Variants in CADM2 observed in about 807,000 individuals in gnomAD.
The protein encoded by CADM2 is immunoglobulin superfamily member 4D.
Under a neutral mutation model 49.8 loss-of-function variants are expected in CADM2, and 12 were observed. The ratio of observed to expected loss-of-function variants is 0.24; its 90% confidence interval spans 0.15 to 0.39. CADM2 has a LOEUF of 0.39. Ranked by LOEUF, CADM2 falls within the 10% of genes least tolerant of loss-of-function variation. The pLI is 1.00. For missense variants in CADM2, 378 were observed against 492.3 expected, an observed-to-expected ratio of 0.77 and a Z score of 2.20; for synonymous variants, 214 against 175.4, an observed-to-expected ratio of 1.22 and a Z score of -1.74.
intron 3 of CADM2, among the ~76,000 whole-genome samples, chr3:85,874,691 A>T (rs1314655931): frequency 6.6e-6 from 1 of 152,110 alleles, no homozygotes; most frequent in African/African-American, 2.4e-5. Context: ...TGTGAACGCT[A>T]TCAAATACCA....
rs79540944 is a variant in CADM2, at chr3:85,551,703, A to G, written c.62-174819A>G. ...TTCAGCTTTTTAAATAGCAGTACTAACACAACACAAGGCAATCCTTTTTCG... is the reference window on the plus strand; with the variant it reads ...TTCAGCTTTTTAAATAGCAGTACTAGCACAACACAAGGCAATCCTTTTTCG... On this transcript the variant is annotated intron_variant, in intron 1 of 9. Transcript: ENST00000383699. Among the ~76,000 whole-genome samples the G allele has an allele frequency of 4.6e-3, 701 of 152,298 alleles. 8 individuals are homozygous for G. Among genetic ancestry groups the G allele is most frequent in the African/African-American group, 0.016 (677 of 41,570 alleles).
intron 1 of CADM2, among the ~76,000 whole-genome samples, chr3:85,676,275 A>G (rs1485414905): frequency 1.3e-5 from 2 of 152,178 alleles, no homozygotes; most frequent in Non-Finnish European, 2.9e-5. Flanking sequence ...CGAGGCCTTA[A>G]TGATCTTTTT....
chr3:85,771,080 T>G (rs2107951747), intron 2 of CADM2, among the ~76,000 whole-genome samples: 1 of 152,262 alleles, frequency 6.6e-6, no homozygotes, highest in African/African-American at 2.4e-5. Context: ...GTCCTCTTAT[T>G]TTTAAGAATT....
At chr3:85,500,516 G>A (rs565786031) in intron 1 of CADM2, among the ~76,000 whole-genome samples, 210 of 151,764 alleles carry the variant, frequency 1.4e-3, no homozygotes, top group Non-Finnish European at 2.6e-3. Context: ...TTTTTTCATA[G>A]GTGGAATTTT....
intron 1 of CADM2, among the ~76,000 whole-genome samples, chr3:85,242,264 T>C (rs998427031): frequency 2.0e-5 from 3 of 151,530 alleles, no homozygotes; most frequent in Non-Finnish European, 4.4e-5. Flanking sequence ...TTAATGCATT[T>C]AGTTTTACTG....
chr3:85,699,868 C>A (rs1232798281), intron 1 of CADM2, among the ~76,000 whole-genome samples: 1 of 152,174 alleles, frequency 6.6e-6, no homozygotes, highest in African/African-American at 2.4e-5. Flanking sequence ...ATGGGCTTTT[C>A]TTTTCTATCA....
intron 8 of CADM2, chr3:86,013,854 A>ACT (rs1731857256): frequency 6.3e-7 from 1 of 1,594,192 alleles, no homozygotes; most frequent in African/African-American, 1.3e-5. Flanking sequence ...ATTTTCTTCC[A>ACT]AAATGAAAGT....
chr3:85,044,337 G>T (rs1326849862), intron 1 of CADM2, among the ~76,000 whole-genome samples: 3 of 152,030 alleles, frequency 2.0e-5, no homozygotes, highest in Non-Finnish European at 4.4e-5. Context: ...AAAAGACCTG[G>T]GTAATGTGAG....
intron 1 of CADM2, among the ~76,000 whole-genome samples, chr3:85,670,614 G>T (rs367878716): frequency 2.0e-5 from 3 of 151,998 alleles, no homozygotes; most frequent in Non-Finnish European, 4.4e-5. Flanking sequence ...AAAGCACCAA[G>T]AATATAAATC....
intron 5 of CADM2, among the ~76,000 whole-genome samples, chr3:85,902,456 A>T (rs1187436629): frequency 6.6e-6 from 1 of 151,934 alleles, no homozygotes; most frequent in Non-Finnish European, 1.5e-5. Context: ...TATCATTTAA[A>T]AAAATACAGT....
chr3:86,012,795 T>C (rs1434950650), intron 8 of CADM2: 1 of 571,980 alleles, frequency 1.7e-6, no homozygotes, highest in African/African-American at 1.9e-5. Context: ...GCTAACACGG[T>C]GAAACCCCGT....
intron 1 of CADM2, among the ~76,000 whole-genome samples, chr3:85,600,423 T>A (rs1466400365): frequency 6.6e-6 from 1 of 151,934 alleles, no homozygotes; most frequent in African/African-American, 2.4e-5. Flanking sequence ...ATTTGTAACA[T>A]GCTGTATGAA....
intron 3 of CADM2, among the ~76,000 whole-genome samples, chr3:85,827,402 A>G (rs1271114120): frequency 6.6e-6 from 1 of 151,902 alleles, no homozygotes; most frequent in African/African-American, 2.4e-5. Flanking sequence ...GTAGTAATGT[A>G]TATACACTGT....
At chr3:85,730,946 AT>A (rs1459757245) in intron 2 of CADM2, among the ~76,000 whole-genome samples, 1 of 152,186 alleles carries the variant, frequency 6.6e-6, no homozygotes, top group Non-Finnish European at 1.5e-5. Context: ...TCAAATAAAA[AT>A]TAACATAATT....
At chr3:85,391,720 G>A (rs1420068578) in intron 1 of CADM2, among the ~76,000 whole-genome samples, 1 of 152,040 alleles carries the variant, frequency 6.6e-6, no homozygotes, top group Admixed American at 6.6e-5. Context: ...ATACAGATTT[G>A]TTATTTGTCT....
intron 1 of CADM2, among the ~76,000 whole-genome samples, chr3:85,588,999 T>C (rs2063023488): frequency 6.6e-6 from 1 of 152,018 alleles, no homozygotes; most frequent in East Asian, 1.9e-4. Context: ...CTTATTAAAA[T>C]ATAAGCACCA....
chr3:85,229,964 T>G (rs1379218546), intron 1 of CADM2, among the ~76,000 whole-genome samples: 1 of 152,314 alleles, frequency 6.6e-6, no homozygotes, highest in South Asian at 2.1e-4. Flanking sequence ...GTAAGATAAC[T>G]TGTGTTATTA....
chr3:85,784,121 C>T (rs2108004929), intron 2 of CADM2, among the ~76,000 whole-genome samples: 1 of 152,280 alleles, frequency 6.6e-6, no homozygotes, highest in East Asian at 1.9e-4. Context: ...TAGTTGTATT[C>T]AAAAGTGTAT....
chr3:85,317,960 A>G (rs2044507654), intron 1 of CADM2, among the ~76,000 whole-genome samples: 2 of 152,204 alleles, frequency 1.3e-5, no homozygotes, highest in African/African-American at 4.8e-5. Flanking sequence ...GTAGATATCC[A>G]TGCTAAATTT....
Sources: allele counts gnomAD v4.1 joint callset (sites outside exome capture counted in the v4.1 genomes callset), GRCh38; gene constraint gnomAD v4.1.1; transcripts MANE v1.5; gene names NCBI Gene and HGNC (gene_info 2026-07-23, HGNC 2026-07-21).